GSE1: variants seen among roughly 807,000 people sequenced by gnomAD.
GSE1 encodes Gse1 coiled-coil protein, also known as genetic suppressor element 1.
A neutral mutation model predicts 112.6 loss-of-function variants in GSE1; 32 were observed. That is an observed-to-expected ratio of 0.28 (90% CI 0.21 to 0.38). GSE1 has a LOEUF of 0.38. Among genes scored for constraint, GSE1 ranks in the 10% least tolerant of loss-of-function variants. The pLI is 1.00. For synonymous variants in GSE1, 1,115 were observed against 735.6 expected (o/e 1.52, Z -8.35); for missense variants, 2,348 against 1,699.2 (o/e 1.38, Z -6.71).
chr16:85,188,269 C>CGTCTT lies in GSE1; in HGVS notation c.2283+16466_2283+16467insTGTCT, dbSNP rs1555535926. 2.0e-3 allele frequency among the ~76,000 whole-genome samples: 302 copies of CGTCTT among 151,940 alleles called. 1 individual carries two copies. The highest frequency in any genetic ancestry group is 3.5e-3 in the Non-Finnish European group (239 of 67,930). ...AGTCAGCGGGCACCTGCTGCCTGAC[C>CGTCTT]GTCTGTCTGCGGGCCCTGTTCCCTC... On this transcript the variant is annotated intron_variant, in intron 1 of 2. Transcript: ENST00000637419.
intron 2 of GSE1, among the ~76,000 whole-genome samples, chr16:85,504,445 G>A (rs767872626): frequency 6.6e-6 from 1 of 152,178 alleles, no homozygotes; most frequent in Non-Finnish European, 1.5e-5. Context: ...CGGTGACAGG[G>A]GCACACACGT....
intron 2 of GSE1, among the ~76,000 whole-genome samples, chr16:85,478,339 C>A (rs1024941522): frequency 2.6e-5 from 4 of 151,934 alleles, no homozygotes; most frequent in African/African-American, 9.7e-5. Flanking sequence ...CCAGCCTGGC[C>A]AACATGGTGA....
At chr16:85,172,763 G>A (rs1016280205) in intron 1 of GSE1, among the ~76,000 whole-genome samples, 7 of 152,186 alleles carry the variant, frequency 4.6e-5, no homozygotes, top group African/African-American at 1.7e-4. Flanking sequence ...AGGTGGCGCT[G>A]TCGTGTTCAG....
At chr16:85,500,407 A>G (rs1477865855) in intron 2 of GSE1, among the ~76,000 whole-genome samples, 1 of 152,220 alleles carries the variant, frequency 6.6e-6, no homozygotes, top group Non-Finnish European at 1.5e-5. Context: ...AATTGGCTAA[A>G]ATAAATCACT....
chr16:85,671,229 A>G (rs2053304018), intron 15 of GSE1, 131 bp downstream of exon 15: 8 of 540,498 alleles, frequency 1.5e-5, no homozygotes, highest in Non-Finnish European at 3.3e-6. Flanking sequence ...TCACGAGGTC[A>G]GGAGATCGAG....
chr16:85,441,889 C>T (rs892087189), intron 2 of GSE1, among the ~76,000 whole-genome samples: 4 of 152,182 alleles, frequency 2.6e-5, no homozygotes, highest in Admixed American at 6.5e-5. Flanking sequence ...TCACTTCCCT[C>T]GCCAAAACCC....
chr16:85,488,611 G>C (rs1376368774), intron 2 of GSE1, among the ~76,000 whole-genome samples: 1 of 152,086 alleles, frequency 6.6e-6, no homozygotes, highest in Non-Finnish European at 1.5e-5. Context: ...GGTGAAAAGT[G>C]CCACAAGAGA....
At chr16:85,355,700 C>T (rs746765639) in intron 1 of GSE1, among the ~76,000 whole-genome samples, 3 of 152,082 alleles carry the variant, frequency 2.0e-5, no homozygotes, top group Non-Finnish European at 2.9e-5. Flanking sequence ...ATTTTGTGTT[C>T]GGTATATTTT....
intron 8 of GSE1, among the ~76,000 whole-genome samples, chr16:85,658,916 G>T (rs1436778677): frequency 6.6e-6 from 1 of 152,250 alleles, no homozygotes; most frequent in Non-Finnish European, 1.5e-5. Flanking sequence ...ATGATGGGAA[G>T]CAGGGCCTGG....
intron 2 of GSE1, among the ~76,000 whole-genome samples, chr16:85,638,337 C>T (rs2050170425): frequency 6.6e-6 from 1 of 152,214 alleles, no homozygotes; most frequent in African/African-American, 2.4e-5. Context: ...AAAGCTCAGT[C>T]ACCCGCCCAC....
chr16:85,629,620 C>G (rs1598446390), intron 1 of GSE1, among the ~76,000 whole-genome samples: 1 of 152,206 alleles, frequency 6.6e-6, no homozygotes, highest in African/African-American at 2.4e-5. Flanking sequence ...CTTCGCCTAT[C>G]TGGGAAATAG....
chr16:85,394,191 G>C (rs560426323), intron 2 of GSE1, among the ~76,000 whole-genome samples: 1 of 152,288 alleles, frequency 6.6e-6, no homozygotes, highest in Non-Finnish European at 1.5e-5. Flanking sequence ...GGGGAGAGGC[G>C]GGGCTGGAGG....
rs555017456 is a variant in GSE1 at position 85,584,732 on chromosome 16, C to A, written c.37+28369C>A. Among the ~76,000 whole-genome samples, 286 of 152,350 alleles carry A rather than the reference C, an allele frequency of 1.9e-3. 2 individuals carry two copies. Among genetic ancestry groups the A allele is most frequent in the African/African-American group, 6.6e-3 (273 of 41,590 alleles). ...CATCATTGGGCTGAACGATAAAATT[C>A]TTTCAAATCAAATTTTATCCTCTAA... On this transcript the variant is annotated intron_variant, in intron 1 of 2. Transcript: ENST00000635906.
chr16:85,661,305 C>T lies in GSE1; in HGVS notation c.1800C>T (p.Ala600=), dbSNP rs370961757. 1.1e-5 allele frequency: 18 copies of T among 1,612,632 alleles called. No individual in the cohort carries two copies. In the East Asian group the frequency reaches 1.8e-4, roughly 16 times the overall value. Residue 600 remains alanine, a synonymous_variant, in exon 9 of 16, where the codon GCC becomes GCT. Coordinates refer to ENST00000253458, the MANE Select transcript of GSE1 (RefSeq NM_014615.5). The part of the protein sequence containing the change: ...LMDNTLETRR[A]ESHSLHSHPA... Reference sequence around the variant, plus strand: ...ACAACACCTTGGAGACGCGGCGGGCCGAAAGCCACTCTCTGCACAGCCACC... The same window carrying T: ...ACAACACCTTGGAGACGCGGCGGGCTGAAAGCCACTCTCTGCACAGCCACC...
chr16:85,261,952 C>T (rs963508897), intron 1 of GSE1, among the ~76,000 whole-genome samples: 1 of 152,174 alleles, frequency 6.6e-6, no homozygotes, highest in African/African-American at 2.4e-5. Flanking sequence ...GGCTCTCCCC[C>T]ATGCCTTATG....
intron 2 of GSE1, among the ~76,000 whole-genome samples, chr16:85,393,591 C>A (rs1004015447): frequency 8.5e-5 from 13 of 152,246 alleles, no homozygotes; most frequent in African/African-American, 2.9e-4. Context: ...GAGACTACTA[C>A]TGAGTCCCAA....
intron 2 of GSE1, among the ~76,000 whole-genome samples, chr16:85,487,454 G>T (rs778008439): frequency 6.6e-6 from 1 of 152,162 alleles, no homozygotes; most frequent in African/African-American, 2.4e-5. Flanking sequence ...TGGGCAGGCC[G>T]ATTTCATAAA....
At chr16:85,317,461 C>A (rs1030564278) in intron 1 of GSE1, among the ~76,000 whole-genome samples, 1 of 152,302 alleles carries the variant, frequency 6.6e-6, no homozygotes, top group African/African-American at 2.4e-5. Context: ...GGACAACCCC[C>A]CTACGAGTCC....
At chr16:85,448,190 G>C (rs1022912862) in intron 2 of GSE1, among the ~76,000 whole-genome samples, 1 of 152,214 alleles carries the variant, frequency 6.6e-6, no homozygotes, top group Non-Finnish European at 1.5e-5. Context: ...CCCAGACGGA[G>C]AGTCTCAGCC....
Sources: gnomAD v4.1 joint callset for allele counts (sites outside exome capture counted in the v4.1 genomes callset) on GRCh38, gnomAD v4.1.1 for gene constraint, MANE v1.5 for transcripts, NCBI Gene and HGNC (gene_info 2026-07-23, HGNC 2026-07-21) for gene names.